The following BCAS3 variants were observed in gnomAD, a reference collection of about 807,000 sequenced individuals.
The protein encoded by BCAS3 is BCAS3 microtubule associated cell migration factor.
In BCAS3, 53 loss-of-function variants were observed where a neutral mutation model predicts 116.1. The observed-to-expected ratio is 0.46, with a 90% CI of 0.37 to 0.57. The LOEUF (loss-of-function observed/expected upper bound fraction) is 0.57, where lower values mean the gene tolerates loss of function less well. Ranked by LOEUF, BCAS3 falls within the 20% of genes least tolerant of loss-of-function variation. The pLI is 0.00. For synonymous variants in BCAS3, 391 were observed against 408.2 expected (o/e 0.96, Z 0.51); for missense variants, 917 against 1,165.4 (o/e 0.79, Z 3.10).
At chr17:61,168,064 T>G (rs758047337) in intron 22 of BCAS3, among the ~76,000 whole-genome samples, 1 of 152,222 alleles carries the variant, frequency 6.6e-6, no homozygotes, top group Non-Finnish European at 1.5e-5. Flanking sequence ...TTGGCTTTTA[T>G]CACTCATTGG....
rs2144656641 is a variant in BCAS3, at chr17:61,278,056, T to C, written c.2426-90271T>C. 6.6e-6 allele frequency among the ~76,000 whole-genome samples: 1 copy of C among 152,326 alleles called. No individual in the cohort carries two copies. Among genetic ancestry groups the C allele is most frequent in the African/African-American group, 2.4e-5 (1 of 41,576 alleles). On this transcript the variant is annotated intron_variant, in intron 22 of 23. Transcript: ENST00000407086. The surrounding 1 kb of genome is among the most constrained non-coding windows in gnomAD (Gnocchi z 5.8). ...TTGTTTTGTTTTGTTTTGTTTTGTT[T>C]GACGGAGTCACACTGTGTAGCCCAG...
At chr17:60,753,281 C>T (rs2042657969) in intron 6 of BCAS3, among the ~76,000 whole-genome samples, 1 of 151,932 alleles carries the variant, frequency 6.6e-6, no homozygotes, top group African/African-American at 2.4e-5. Context: ...TCTTTAGTTT[C>T]ATACTAAGAA....
Position 60,780,254 on chromosome 17 carries a change from C to T in BCAS3, c.404-27750C>T, listed in dbSNP as rs887307626. Among the ~76,000 whole-genome samples the T allele has an allele frequency of 4.0e-5, 6 of 150,702 alleles. No homozygotes were observed. In the South Asian group the frequency reaches 1.3e-3, roughly 32 times the overall value. Reference sequence around the variant, plus strand: ...CTGCCCACCTCGGCCTGCCAAAGTGCTTGGATTACAGGCGTGAGCCACCAT... The same window carrying T: ...CTGCCCACCTCGGCCTGCCAAAGTGTTTGGATTACAGGCGTGAGCCACCAT... On this transcript the variant is annotated intron_variant, in intron 6 of 23. Coordinates refer to ENST00000407086, the MANE Select transcript of BCAS3 (RefSeq NM_017679.5).
chr17:61,329,831 A>G (rs940982013), intron 22 of BCAS3, among the ~76,000 whole-genome samples: 2 of 152,020 alleles, frequency 1.3e-5, no homozygotes, highest in African/African-American at 4.8e-5. Flanking sequence ...TGCTGCACTT[A>G]TCCATGAAGA....
At chr17:60,784,130 A>C (rs967722276) in intron 6 of BCAS3, among the ~76,000 whole-genome samples, 1 of 151,528 alleles carries the variant, frequency 6.6e-6, no homozygotes, top group Non-Finnish European at 1.5e-5. Context: ...AAGTTAAAAA[A>C]CTCTTATATT....
chr17:61,098,711 A>G lies in BCAS3; in HGVS notation c.2425+14147A>G, dbSNP rs2074127423. Among the ~76,000 whole-genome samples, 1 of 152,186 alleles carries G rather than the reference A, an allele frequency of 6.6e-6. No homozygotes were observed. The highest frequency in any genetic ancestry group is 2.4e-5 in the African/African-American group (1 of 41,442). ...ACTGATAGCAATTCTTAAGTCTCTAAATGTTTTTACGTTGTTGTGATCAGG... is the reference window on the plus strand; with the variant it reads ...ACTGATAGCAATTCTTAAGTCTCTAGATGTTTTTACGTTGTTGTGATCAGG... On this transcript the variant is annotated intron_variant, in intron 22 of 23. Coordinates refer to ENST00000407086, the MANE Select transcript of BCAS3 (RefSeq NM_017679.5). The surrounding 1 kb of genome is among the most constrained non-coding windows in gnomAD (Gnocchi z 4.2).
chr17:61,370,614 C>T (rs1372773316), intron 23 of BCAS3, among the ~76,000 whole-genome samples: 1 of 152,184 alleles, frequency 6.6e-6, no homozygotes, highest in African/African-American at 2.4e-5. Context: ...GTCTTGAACT[C>T]CTGACCTCGT....
intron 22 of BCAS3, among the ~76,000 whole-genome samples, chr17:61,152,138 A>G (rs1380105374): frequency 6.6e-6 from 1 of 152,188 alleles, no homozygotes; most frequent in African/African-American, 2.4e-5. Context: ...AGCAGTAGCA[A>G]GGTTTATTGT....
intron 6 of BCAS3, among the ~76,000 whole-genome samples, chr17:60,785,739 T>G (rs953477925): frequency 1.3e-5 from 2 of 152,176 alleles, no homozygotes; most frequent in Non-Finnish European, 2.9e-5. Flanking sequence ...TGTAAAACAG[T>G]TATCTAAAAA....
At chr17:60,926,018 C>T (rs1224997041) in intron 13 of BCAS3, among the ~76,000 whole-genome samples, 2 of 152,102 alleles carry the variant, frequency 1.3e-5, no homozygotes, top group Non-Finnish European at 1.5e-5. Context: ...ATAGTTTTGA[C>T]TCCGTTTTAA....
intron 19 of BCAS3, among the ~76,000 whole-genome samples, chr17:61,064,684 A>G (rs572623810): frequency 2.8e-4 from 42 of 152,316 alleles, no homozygotes; most frequent in African/African-American, 9.9e-4. Flanking sequence ...TACTTTTTCT[A>G]ATTATATATT....
intron 19 of BCAS3, among the ~76,000 whole-genome samples, chr17:61,067,310 TA>T (rs2070772529): frequency 7.3e-6 from 1 of 136,510 alleles, no homozygotes; most frequent in Non-Finnish European, 1.6e-5. Context: ...TATATATATA[TA>T]TATATTTATA....
chr17:61,341,342 G>C (rs2057136600), intron 22 of BCAS3, among the ~76,000 whole-genome samples: 1 of 152,196 alleles, frequency 6.6e-6, no homozygotes, highest in African/African-American at 2.4e-5. Flanking sequence ...AGGACTCCGG[G>C]GCAGGCGGTG....
chr17:60,989,613 C>T (rs1470341385), intron 14 of BCAS3, among the ~76,000 whole-genome samples: 2 of 151,848 alleles, frequency 1.3e-5, no homozygotes, highest in African/African-American at 4.8e-5. Flanking sequence ...TGGCCTCTTA[C>T]AGAAAAAGCT....
At chr17:60,785,165 G>C (rs904201695) in intron 6 of BCAS3, among the ~76,000 whole-genome samples, 3 of 151,582 alleles carry the variant, frequency 2.0e-5, no homozygotes, top group African/African-American at 7.3e-5. Context: ...TTTTTTCTTA[G>C]TTTTTTATTT....
chr17:61,380,798 C>T lies in BCAS3; in HGVS notation c.2594-11179C>T, dbSNP rs2059568726. Among the ~76,000 whole-genome samples the T allele has an allele frequency of 6.6e-6, 1 of 152,172 alleles. No individual in the cohort carries two copies. The highest frequency in any genetic ancestry group is 1.5e-5 in the Non-Finnish European group (1 of 68,040). On this transcript the variant is annotated intron_variant, in intron 23 of 23. Coordinates refer to ENST00000407086, the MANE Select transcript of BCAS3 (RefSeq NM_017679.5). The surrounding 1 kb of genome is among the most constrained non-coding windows in gnomAD (Gnocchi z 4.2). ...GTTTCTTTGAGAACGCCACTCCCTG[C>T]CCCCCACTTTGAAGATGGAAGTGAA... is the stretch of plus-strand genomic sequence containing the variant.
chr17:60,835,077 T>C (rs1039618155), intron 7 of BCAS3, among the ~76,000 whole-genome samples: 1 of 152,010 alleles, frequency 6.6e-6, no homozygotes. Flanking sequence ...CAGCAGTTTC[T>C]GCACTTTTGT....
rs2051227898 is a variant in BCAS3, at chr17:61,281,344, G to C, written c.2426-86983G>C. Among the ~76,000 whole-genome samples, 1 of 152,112 alleles carries C rather than the reference G, an allele frequency of 6.6e-6. No individual in the cohort carries two copies. The highest frequency in any genetic ancestry group is 1.5e-5 in the Non-Finnish European group (1 of 68,008). ...ATTTCATCTGTATAAATAGTTCTTA[G>C]AAGTAGAATTCCCAGGTCAAAGGAT... On this transcript the variant is annotated intron_variant, in intron 22 of 23. Transcript: ENST00000407086. This position sits in a 1 kb window ranked among gnomAD's most constrained non-coding sequence, Gnocchi z 4.2.
chr17:60,840,451 G>A (rs2051800716), intron 7 of BCAS3, among the ~76,000 whole-genome samples: 1 of 152,080 alleles, frequency 6.6e-6, no homozygotes, highest in Non-Finnish European at 1.5e-5. Flanking sequence ...TTCTATAGAT[G>A]CAAAAAACCT....
Sources: gnomAD v4.1 joint callset for allele counts (sites outside exome capture counted in the v4.1 genomes callset) on GRCh38, gnomAD v4.1.1 for gene constraint, Gnocchi (gnomAD v3.1) non-coding constraint, MANE v1.5 for transcripts, NCBI Gene and HGNC (gene_info 2026-07-23, HGNC 2026-07-21) for gene names.